The following IGFL2 variants were observed in gnomAD, a reference collection of about 807,000 sequenced individuals.
IGFL2 encodes the protein insulin growth factor-like family member 2.
A neutral mutation model predicts 13.9 loss-of-function variants in IGFL2; 7 were observed. The ratio of observed to expected loss-of-function variants is 0.51; its 90% CI spans 0.29 to 0.95. IGFL2 has a LOEUF of 0.95. IGFL2 is among the 40% of genes least tolerant of loss of function. IGFL2 has a pLI of 0.08. For missense variants in IGFL2, 138 were observed against 147.8 expected, an observed-to-expected ratio of 0.93 and a Z score of 0.34; for synonymous variants, 55 against 55.8, an observed-to-expected ratio of 0.99 and a Z score of 0.07.
At chr19:46,149,087 C>T (rs1440078591) in intron 1 of IGFL2, 52 of 1,444,314 alleles carry the variant, frequency 3.6e-5, no homozygotes, top group Non-Finnish European at 5.0e-5. Context: ...GTGTGTATTC[C>T]ATCAAGATGA....
chr19:46,161,096 T>C lies in IGFL2; in HGVS notation c.*8T>C, dbSNP rs767709557. On this transcript the variant is annotated 3_prime_UTR_variant, in exon 4 of 4. Coordinates refer to ENST00000377693, the MANE Select transcript of IGFL2 (RefSeq NM_001135113.2). ...AGAAGACGTTTTCCCTGAGAAGACA[T>C]AGAAAGAAAATCAACTTTCACTAAG... is the stretch of plus-strand genomic sequence containing the variant. 1 of 1,587,100 alleles carries C rather than the reference T, an allele frequency of 6.3e-7. No individual in the cohort carries two copies. Among genetic ancestry groups the C allele is most frequent in the Non-Finnish European group, 8.6e-7 (1 of 1,164,200 alleles).
chr19:46,164,491 C>T (rs1252873913), downstream of IGFL2: 1 of 152,262 alleles, frequency 6.6e-6, no homozygotes, highest in Non-Finnish European at 1.5e-5. Flanking sequence ...AAACCTCTGT[C>T]AGCTGGAGAA....
the IGFL2 span, among the ~76,000 whole-genome samples, chr19:46,109,240 G>A: frequency 2.0e-5 from 3 of 152,182 alleles, no homozygotes; most frequent in African/African-American, 4.8e-5. Flanking sequence ...ATAGGCAATG[G>A]AGTTAGGAGC....
At chr19:46,198,002 CCT>C in the IGFL2 span, 1 of 74,242 alleles carries the variant, frequency 1.3e-5, no homozygotes, top group Non-Finnish European at 3.1e-5. Flanking sequence ...CTCCCCTCCC[CCT>C]CCCTCCCTCC....
the IGFL2 span, chr19:46,198,438 C>A: frequency 6.6e-6 from 1 of 151,898 alleles, no homozygotes; most frequent in African/African-American, 2.4e-5. Flanking sequence ...GTTGGCTTTG[C>A]GTCCCTGGAA....
the IGFL2 span, among the ~76,000 whole-genome samples, chr19:46,194,850 A>ATG: frequency 2.0e-3 from 71 of 35,622 alleles, no homozygotes; most frequent in African/African-American, 7.2e-3. Context: ...ATATATATAT[A>ATG]TATTTTTTTT....
At chr19:46,184,053 A>G in the IGFL2 span, among the ~76,000 whole-genome samples, 1 of 152,158 alleles carries the variant, frequency 6.6e-6, no homozygotes, top group Admixed American at 6.6e-5. Context: ...TTAACTTTCC[A>G]GTGATGATGG....
the IGFL2 span, chr19:46,113,307 T>C: frequency 3.6e-6 from 1 of 277,410 alleles, no homozygotes; most frequent in African/African-American, 2.3e-5. Flanking sequence ...TTTCCTGGTA[T>C]GCCATTTTGT....
the IGFL2 span, chr19:46,203,147 A>C: frequency 2.0e-5 from 3 of 152,190 alleles, no homozygotes; most frequent in African/African-American, 7.2e-5. Context: ...TTACAGTTAA[A>C]GGTGGTTATC....
chr19:46,141,370 G>A (rs55808637), upstream of IGFL2, among the ~76,000 whole-genome samples: 1 of 152,084 alleles, frequency 6.6e-6, no homozygotes, highest in Admixed American at 6.5e-5. Flanking sequence ...GATAGTCCCG[G>A]GTGTCTGGGA....
At chr19:46,144,086 TA>T (rs928280418), upstream of IGFL2, among the ~76,000 whole-genome samples, 1 of 152,198 alleles carries the variant, frequency 6.6e-6, no homozygotes, top group African/African-American at 2.4e-5. Flanking sequence ...GCATACTTTT[TA>T]TGTAAAGAGT....
chr19:46,160,905 G>C (rs774611979), intron 3 of IGFL2, 24 bp downstream of exon 3: 2 of 1,611,100 alleles, frequency 1.2e-6, no homozygotes, highest in Admixed American at 1.7e-5. Context: ...CCCTGGCCAG[G>C]GGGTCGGGGG....
At chr19:46,133,628 G>A in the IGFL2 span, among the ~76,000 whole-genome samples, 1 of 152,256 alleles carries the variant, frequency 6.6e-6, no homozygotes, top group East Asian at 1.9e-4. Context: ...CGGTAGCTAA[G>A]AACGCAGAGT....
chr19:46,179,214 A>C, the IGFL2 span, among the ~76,000 whole-genome samples: 1 of 142,856 alleles, frequency 7.0e-6, no homozygotes, highest in Non-Finnish European at 1.5e-5. Context: ...CTCTGAGCAG[A>C]GCTGGTCATG....
rs372017377 is a variant in IGFL2 at position 46,160,804 on chromosome 19, C to T, written c.264C>T (p.Asn88=). 40 of 1,614,016 alleles carry T rather than the reference C, an allele frequency of 2.5e-5. No homozygotes were observed. The highest frequency in any genetic ancestry group is 7.7e-5 in the South Asian group (7 of 91,078). ...GTCTTGATTCCTTTGGCCTCACAAA[C>T]GATTTTGTTGTGAAGCTGAAGGTTC... ...LCCLDSFGLT[N]DFVVKLKVQG... is the part of the protein sequence containing the mutation. The change falls in exon 3 of 4, where the codon AAC becomes AAT. Residue 88 remains asparagine, a synonymous_variant. Coordinates refer to ENST00000377693, the MANE Select transcript of IGFL2 (RefSeq NM_001135113.2).
chr19:46,153,007 C>A (rs1007726549), intron 1 of IGFL2, among the ~76,000 whole-genome samples: 2 of 152,222 alleles, frequency 1.3e-5, no homozygotes, highest in East Asian at 3.9e-4. Flanking sequence ...ACTTTGCATC[C>A]GTGGGATAAA....
At chr19:46,107,287 A>T in the IGFL2 span, among the ~76,000 whole-genome samples, 1 of 152,164 alleles carries the variant, frequency 6.6e-6, no homozygotes, top group Non-Finnish European at 1.5e-5. Context: ...GAGGTTTCCA[A>T]GGTGATCGGG....
At chr19:46,186,572 A>G in the IGFL2 span, among the ~76,000 whole-genome samples, 2 of 152,220 alleles carry the variant, frequency 1.3e-5, no homozygotes, top group African/African-American at 4.8e-5. Flanking sequence ...ATCAAAGCCC[A>G]GCTGATAAAA....
the IGFL2 span, among the ~76,000 whole-genome samples, chr19:46,198,641 C>G: frequency 6.6e-6 from 1 of 152,138 alleles, no homozygotes; most frequent in Non-Finnish European, 1.5e-5. Flanking sequence ...TAGATTCTGA[C>G]CATTTTGATC....
Sources: gnomAD v4.1 joint callset for allele counts (sites outside exome capture counted in the v4.1 genomes callset) on GRCh38, gnomAD v4.1.1 for gene constraint, MANE v1.5 for transcripts, NCBI Gene and HGNC (gene_info 2026-07-23, HGNC 2026-07-21) for gene names.